FSD1L: variants seen among roughly 807,000 people sequenced by gnomAD.
The protein encoded by FSD1L is FSD1-like protein.
A neutral mutation model predicts 71.6 loss-of-function variants in FSD1L; 45 were observed. The observed-to-expected ratio is 0.63, with a 90% CI of 0.49 to 0.81. The LOEUF (loss-of-function observed/expected upper bound fraction) is 0.81. Ranked by LOEUF, FSD1L falls within the 30% of genes least tolerant of loss-of-function variation. FSD1L has a pLI of 0.00. For missense variants in FSD1L, 561 were observed against 618.1 expected, an observed-to-expected ratio of 0.91 and a Z score of 0.98; for synonymous variants, 197 against 207.2, an observed-to-expected ratio of 0.95 and a Z score of 0.42.
In FSD1L at chr9:105,506,375, C is replaced by CTT. The variant is rs750489990; in HGVS notation, c.587-13_587-12dup. 705 of 1,135,908 alleles carry CTT rather than the reference C, an allele frequency of 6.2e-4. 1 individual carries two copies. In the African/African-American group the frequency reaches 7.4e-3, roughly 12 times the overall value. 70.4% of individuals were successfully genotyped at this position (1,135,908 alleles called of 1,614,324 possible). Reference sequence around the variant, plus strand: ...TGTAATAAATGAGGAATGAATGAGTCTTTTTTTTTTTTCTTCTTTGCAGTC... The same window carrying CTT: ...TGTAATAAATGAGGAATGAATGAGTCTTTTTTTTTTTTTTCTTCTTTGCAGTC... On this transcript the variant is annotated intron_variant, in intron 7 of 13. Transcript: ENST00000481272.
At chr9:105,523,469 G>C in intron 10 of FSD1L, 1 of 1,612,344 alleles carries the variant, frequency 6.2e-7, no homozygotes, top group South Asian at 1.1e-5. Flanking sequence ...TAGGCATTTT[G>C]GGAGATGTAA....
At chr9:105,532,070 A>G (rs908844269) in intron 10 of FSD1L, among the ~76,000 whole-genome samples, 5 of 152,224 alleles carry the variant, frequency 3.3e-5, no homozygotes, top group Non-Finnish European at 5.9e-5. Context: ...TTCTTCCCAG[A>G]GTACCTCTGT....
intron 4 of FSD1L, among the ~76,000 whole-genome samples, chr9:105,470,576 A>G (rs965177170): frequency 6.6e-6 from 1 of 151,658 alleles, no homozygotes; most frequent in Non-Finnish European, 1.5e-5. Flanking sequence ...AGAAATGCAA[A>G]TTTTTGTGTG....
chr9:105,543,470 CAT>C (rs1178582392), intron 13 of FSD1L, among the ~76,000 whole-genome samples: 1 of 152,000 alleles, frequency 6.6e-6, no homozygotes, highest in Non-Finnish European at 1.5e-5. Context: ...TTCTAGGGTA[CAT>C]GTGCACAACG....
chr9:105,532,937 A>G (rs1835988114), intron 10 of FSD1L, among the ~76,000 whole-genome samples: 1 of 152,208 alleles, frequency 6.6e-6, no homozygotes, highest in South Asian at 2.1e-4. Context: ...GAATGAAGTC[A>G]CTGAGTCATA....
intron 10 of FSD1L, chr9:105,523,219 C>T (rs1835294316): frequency 6.2e-7 from 1 of 1,612,128 alleles, no homozygotes; most frequent in Non-Finnish European, 8.5e-7. Flanking sequence ...TCAGAAAGTG[C>T]TTCCCCAGTC....
rs566279619 is a variant in FSD1L at position 105,482,463 on chromosome 9, G to A, written c.465-1918G>A. Among the ~76,000 whole-genome samples, 176 of 152,218 alleles carry A rather than the reference G, an allele frequency of 1.2e-3. 4 individuals carry two copies. The South Asian group carries it at 0.017, about 15-fold the overall frequency. On this transcript the variant is annotated intron_variant, in intron 6 of 13. Transcript: ENST00000481272. ...TTTTCTCTTTGCAAAAATCAGGAGC[G>A]AAGGATCCTTGAATTTACCTTGTGC...
intron 10 of FSD1L, chr9:105,520,716 A>G: frequency 6.2e-7 from 1 of 1,613,400 alleles, no homozygotes; most frequent in Non-Finnish European, 8.5e-7. Flanking sequence ...TTCATGCTTA[A>G]TCCCTGGATT....
intron 10 of FSD1L, chr9:105,530,500 C>A: frequency 1.5e-6 from 1 of 658,000 alleles, no homozygotes; most frequent in Non-Finnish European, 2.7e-6. Flanking sequence ...TTCTTTACTA[C>A]TGGTAAGTTA....
intron 9 of FSD1L, among the ~76,000 whole-genome samples, chr9:105,509,365 T>G (rs998581165): frequency 2.6e-5 from 4 of 152,206 alleles, no homozygotes; most frequent in Non-Finnish European, 5.9e-5. Context: ...GTTCTTCTAG[T>G]CTCTGAAAGC....
intron 10 of FSD1L, among the ~76,000 whole-genome samples, chr9:105,518,927 A>G (rs7357782): frequency 0.54 from 82,413 of 151,918 alleles, 22,588 homozygotes; most frequent in East Asian, 0.7. Context: ...TAATAAAGAA[A>G]AAAAGAGAGA....
At chr9:105,463,232 T>G (rs1830835182) in intron 2 of FSD1L, among the ~76,000 whole-genome samples, 1 of 152,196 alleles carries the variant, frequency 6.6e-6, no homozygotes, top group Non-Finnish European at 1.5e-5. Context: ...CTGATTATAT[T>G]TTTTAGGAAA....
At chr9:105,500,195 TA>T (rs1239110713) in intron 7 of FSD1L, among the ~76,000 whole-genome samples, 6 of 152,252 alleles carry the variant, frequency 3.9e-5, no homozygotes, top group Non-Finnish European at 8.8e-5. Context: ...CTGAGTCTTG[TA>T]ATTTTTTCTT....
chr9:105,525,345 T>C (rs1835440036), intron 10 of FSD1L: 2 of 1,592,414 alleles, frequency 1.3e-6, no homozygotes, highest in African/African-American at 1.4e-5. Context: ...TACAGAGAAC[T>C]GGAATCTCAC....
intron 7 of FSD1L, among the ~76,000 whole-genome samples, chr9:105,494,857 G>C (rs919428529): frequency 7.9e-5 from 12 of 152,236 alleles, no homozygotes; most frequent in African/African-American, 2.4e-4. Flanking sequence ...TCGTTCCCCT[G>C]GAAGTTTTGT....
chr9:105,531,675 T>C (rs1405324893), intron 10 of FSD1L, among the ~76,000 whole-genome samples: 2 of 152,232 alleles, frequency 1.3e-5, no homozygotes, highest in Admixed American at 1.3e-4. Context: ...GTGCAGTCAA[T>C]TTATGAATTG....
chr9:105,551,352 G>C lies in FSD1L; in HGVS notation c.*4869G>C, dbSNP rs552485490. 1.6e-4 allele frequency: 24 copies of C among 151,930 alleles called. No individual in the cohort carries two copies. Among genetic ancestry groups the C allele is most frequent in the African/African-American group, 5.8e-4 (24 of 41,426 alleles). 9.4% of individuals were successfully genotyped at this position (151,930 alleles called of 1,614,324 possible). ...ATCACCTTAGCTCTACCATATACTA[G>C]ATCTGTGACCGCTACACAAATTGTT... On this transcript the variant is annotated 3_prime_UTR_variant, in exon 14 of 14. Coordinates refer to ENST00000481272, the MANE Select transcript of FSD1L (RefSeq NM_001145313.3).
At chr9:105,463,729 A>G (rs1391601452) in intron 2 of FSD1L, among the ~76,000 whole-genome samples, 2 of 152,240 alleles carry the variant, frequency 1.3e-5, no homozygotes, top group African/African-American at 4.8e-5. Flanking sequence ...TTATAGTTCT[A>G]CAGCATCTGT....
At chr9:105,451,667 T>C (rs1175377340) in intron 1 of FSD1L, among the ~76,000 whole-genome samples, 1 of 152,214 alleles carries the variant, frequency 6.6e-6, no homozygotes, top group Non-Finnish European at 1.5e-5. Flanking sequence ...GTGAACAGGA[T>C]GTGTTATGGA....
Sources: allele counts gnomAD v4.1 joint callset (sites outside exome capture counted in the v4.1 genomes callset), GRCh38; gene constraint gnomAD v4.1.1; transcripts MANE v1.5; gene names NCBI Gene and HGNC (gene_info 2026-07-23, HGNC 2026-07-21).